The following FRYL variants were observed in gnomAD, a reference collection of about 807,000 sequenced individuals.
FRYL encodes protein furry homolog-like.
In FRYL, 150 loss-of-function variants were observed where a neutral mutation model predicts 351.2. The observed-to-expected ratio is 0.43, with a 90% confidence interval of 0.37 to 0.49. The LOEUF (loss-of-function observed/expected upper bound fraction) is 0.49. Ranked by LOEUF, FRYL falls within the 20% of genes least tolerant of loss-of-function variation. The pLI is 0.00. For synonymous variants in FRYL, 1,153 were observed against 1,257.1 expected, an observed-to-expected ratio of 0.92 and a Z score of 1.75; for missense variants, 3,036 against 3,619.3, an observed-to-expected ratio of 0.84 and a Z score of 4.13.
At chr4:48,715,324 A>C (rs1441597168) in intron 1 of FRYL, among the ~76,000 whole-genome samples, 2 of 152,134 alleles carry the variant, frequency 1.3e-5, no homozygotes, top group African/African-American at 4.8e-5. Context: ...GAAAAGAGGG[A>C]GTCAAATTGT....
intron 2 of FRYL, among the ~76,000 whole-genome samples, chr4:48,708,306 AT>A (rs113234535): frequency 0.17 from 1,260 of 7,300 alleles, 19 homozygotes; most frequent in African/African-American, 0.18. Context: ...AAATAAATAA[AT>A]AAAAATAAAA....
At chr4:48,711,785 A>AC (rs904340313) in intron 1 of FRYL, among the ~76,000 whole-genome samples, 15 of 151,946 alleles carry the variant, frequency 9.9e-5, no homozygotes, top group African/African-American at 3.4e-4. Context: ...CTGACCCCTG[A>AC]CCCCCCGAGC....
chr4:48,675,414 T>C (rs925748619), intron 3 of FRYL, among the ~76,000 whole-genome samples: 1 of 152,218 alleles, frequency 6.6e-6, no homozygotes, highest in Non-Finnish European at 1.5e-5. Flanking sequence ...GGGCGTGGGC[T>C]TGCCAGGCCC....
Position 48,578,991 on chromosome 4 carries a change from GACA to G in FRYL, c.2507_2509del (p.Leu836del). ...AACTTACTTTATATCGACCTGAGGG[GACA>G]ACAACTGAAGTCTTGTGTATGCAAA... On this transcript the variant is annotated inframe_deletion, in exon 23 of 64. Coordinates refer to ENST00000358350, the MANE Select transcript of FRYL (RefSeq NM_015030.2). 1.2e-6 allele frequency: 2 copies of G among 1,609,698 alleles called. No individual in the cohort carries two copies. The highest frequency in any genetic ancestry group is 1.3e-5 in the African/African-American group (1 of 74,780).
Position 48,723,680 on chromosome 4 carries a change from C to T in FRYL, c.-383-12982G>A, listed in dbSNP as rs546763777. 9.9e-5 allele frequency among the ~76,000 whole-genome samples: 15 copies of T among 152,172 alleles called. No homozygotes were observed. In the East Asian group the frequency reaches 2.3e-3, roughly 23 times the overall value. ...TTTATCTCCAAATCCACTGCTGCTACTCTAGACAGAATCACCATTATCTCT... is the reference window on the plus strand; with the variant it reads ...TTTATCTCCAAATCCACTGCTGCTATTCTAGACAGAATCACCATTATCTCT... On this transcript the variant is annotated intron_variant, in intron 1 of 63. Transcript: ENST00000358350.
chr4:48,726,330 G>A (rs1397543959), intron 1 of FRYL, among the ~76,000 whole-genome samples: 2 of 152,198 alleles, frequency 1.3e-5, no homozygotes, highest in Non-Finnish European at 2.9e-5. Context: ...GTTGAAGTTA[G>A]ACACAGTCAT....
At chr4:48,622,365 A>G (rs970370043) in intron 5 of FRYL, among the ~76,000 whole-genome samples, 3 of 152,118 alleles carry the variant, frequency 2.0e-5, no homozygotes, top group African/African-American at 7.2e-5. Context: ...TTCTTCTTAG[A>G]CCAGTGGCTA....
chr4:48,582,482 A>G lies in FRYL; in HGVS notation c.1986+15T>C. ...CTGACCACATACAAAAGGACAATAGAAAAGAATCTGGTACCTGAGTGTCCT... is the reference window on the plus strand; with the variant it reads ...CTGACCACATACAAAAGGACAATAGGAAAGAATCTGGTACCTGAGTGTCCT... On this transcript the variant is annotated intron_variant, in intron 20 of 63. Coordinates refer to ENST00000358350, the MANE Select transcript of FRYL (RefSeq NM_015030.2). 1.3e-6 allele frequency: 2 copies of G among 1,537,184 alleles called. No individual in the cohort carries two copies. Among genetic ancestry groups the G allele is most frequent in the Non-Finnish European group, 1.8e-6 (2 of 1,110,338 alleles).
intron 55 of FRYL, among the ~76,000 whole-genome samples, chr4:48,519,698 T>C (rs1262999604): frequency 6.6e-6 from 1 of 151,578 alleles, no homozygotes; most frequent in African/African-American, 2.4e-5. Flanking sequence ...AGACGGGGTT[T>C]CACCATGTTC....
intron 27 of FRYL, 48 bp downstream of exon 27, chr4:48,570,779 T>G (rs745335892): frequency 6.7e-6 from 9 of 1,345,886 alleles, no homozygotes; most frequent in Non-Finnish European, 9.6e-6. Flanking sequence ...AGAGATTACG[T>G]TCTCTAGGAT....
intron 19 of FRYL, among the ~76,000 whole-genome samples, chr4:48,583,649 T>A (rs1741423309): frequency 6.6e-6 from 1 of 151,716 alleles, no homozygotes; most frequent in Non-Finnish European, 1.5e-5. Flanking sequence ...ACACTTATAA[T>A]CCCAGTACTT....
chr4:48,546,370 T>C, intron 41 of FRYL, 99 bp from the exon 42 acceptor site: 4 of 884,680 alleles, frequency 4.5e-6, no homozygotes, highest in Non-Finnish European at 7.2e-6. Flanking sequence ...ATGGGACACA[T>C]GAGGCAATCT....
intron 1 of FRYL, among the ~76,000 whole-genome samples, chr4:48,768,688 AGCTACTCAGAAG>A (rs1775211100): frequency 1.3e-5 from 2 of 152,128 alleles, no homozygotes; most frequent in African/African-American, 4.8e-5. Context: ...CTGTAATCCC[AGCTACTCAGAAG>A]GCTAGGGTAG....
intron 7 of FRYL, chr4:48,618,431 A>G (rs1296382737): frequency 6.6e-6 from 1 of 152,128 alleles, no homozygotes; most frequent in Non-Finnish European, 1.5e-5. Context: ...ATTCCTTTCT[A>G]TGTAACAAAA....
intron 3 of FRYL, among the ~76,000 whole-genome samples, chr4:48,665,051 A>T (rs763264449): frequency 2.0e-5 from 3 of 152,224 alleles, no homozygotes; most frequent in Non-Finnish European, 2.9e-5. Flanking sequence ...TAATATACTC[A>T]TAAGTTAGCA....
intron 3 of FRYL, among the ~76,000 whole-genome samples, chr4:48,652,033 T>C (rs972004141): frequency 6.6e-6 from 1 of 152,240 alleles, no homozygotes; most frequent in Non-Finnish European, 1.5e-5. Flanking sequence ...TGAATCACTA[T>C]ATTACTAACT....
At chr4:48,725,706 A>C (rs1769999695) in intron 1 of FRYL, among the ~76,000 whole-genome samples, 1 of 152,212 alleles carries the variant, frequency 6.6e-6, no homozygotes, top group South Asian at 2.1e-4. Flanking sequence ...CTCTCGCAGT[A>C]TCACAGTGCT....
intron 20 of FRYL, among the ~76,000 whole-genome samples, chr4:48,582,284 C>G (rs1741116101): frequency 6.6e-6 from 1 of 151,944 alleles, no homozygotes; most frequent in Non-Finnish European, 1.5e-5. Flanking sequence ...CATTAAAAAC[C>G]CAAAGAAGAA....
intron 3 of FRYL, among the ~76,000 whole-genome samples, chr4:48,669,013 CTTTTTAAAACCGTATCTTTA>C (rs950088297): frequency 2.0e-5 from 3 of 152,116 alleles, no homozygotes; most frequent in African/African-American, 7.2e-5. Flanking sequence ...TTCTACTCTT[CTTTTTAAAACCGTATCTTTA>C]TTTTTTCAAT....
Sources: allele counts gnomAD v4.1 joint callset (sites outside exome capture counted in the v4.1 genomes callset), GRCh38; gene constraint gnomAD v4.1.1; transcripts MANE v1.5; gene names NCBI Gene and HGNC (gene_info 2026-07-23, HGNC 2026-07-21).